Variants in CACNB2 observed in about 807,000 individuals in gnomAD.
CACNB2 encodes voltage-dependent L-type calcium channel subunit beta-2.
A neutral mutation model predicts 73.3 loss-of-function variants in CACNB2; 42 were observed. That is an observed-to-expected ratio of 0.57 (90% CI 0.45 to 0.74). The LOEUF (loss-of-function observed/expected upper bound fraction) is 0.74. Ranked by LOEUF, CACNB2 falls within the 30% of genes least tolerant of loss-of-function variation. The probability of loss-of-function intolerance (pLI) is 0.00; values close to 1 mark genes in which losing one functional copy is unlikely to be tolerated. For missense variants in CACNB2, 940 were observed against 853.0 expected (o/e 1.10, Z -1.27); for synonymous variants, 348 against 310.3 (o/e 1.12, Z -1.28).
At chr10:18,428,322 A>G (rs1043793688) in intron 3 of CACNB2, among the ~76,000 whole-genome samples, 4 of 152,166 alleles carry the variant, frequency 2.6e-5, no homozygotes, top group Admixed American at 6.5e-5. Flanking sequence ...TTCCACTACA[A>G]TCTTATTTTG....
intron 11 of CACNB2, among the ~76,000 whole-genome samples, chr10:18,535,837 T>TAATAGTTTTCCATTTTA (rs2053519685): frequency 6.6e-6 from 1 of 152,096 alleles, no homozygotes; most frequent in South Asian, 2.1e-4. Flanking sequence ...ATAAATGTTT[T>TAATAGTTTTCCATTTTA]AATAGTTTTC....
chr10:18,368,169 A>AT (rs2042432851), intron 2 of CACNB2, among the ~76,000 whole-genome samples: 1 of 152,184 alleles, frequency 6.6e-6, no homozygotes, highest in Non-Finnish European at 1.5e-5. Context: ...TTGGAGTAAG[A>AT]TTATGAACAA....
chr10:18,201,958 A>C (rs2034900551), intron 2 of CACNB2, among the ~76,000 whole-genome samples: 1 of 152,238 alleles, frequency 6.6e-6, no homozygotes, highest in Non-Finnish European at 1.5e-5. Context: ...TTTAATTCTC[A>C]TAATTTCTTC....
chr10:18,520,568 T>G (rs1458798743), intron 9 of CACNB2, among the ~76,000 whole-genome samples: 1 of 152,188 alleles, frequency 6.6e-6, no homozygotes, highest in Non-Finnish European at 1.5e-5. Context: ...ACTCCTTTAC[T>G]CAAAACCATC....
At chr10:18,492,984 G>A (rs2049544358) in intron 3 of CACNB2, among the ~76,000 whole-genome samples, 2 of 152,016 alleles carry the variant, frequency 1.3e-5, no homozygotes, top group African/African-American at 2.4e-5. Flanking sequence ...TGAGTTCCAC[G>A]TTCACGGATT....
In CACNB2 at chr10:18,539,655, TGGA is replaced by T; in HGVS notation, c.1916_1918del (p.Gly639del). ...CCAAGGATCGCTACTGTGAAAAGGA[TGGA>T]GAAGTGATATCAAAAAAACGGAATG... On this transcript the variant is annotated inframe_deletion, in exon 14 of 14. Coordinates refer to ENST00000324631, the MANE Select transcript of CACNB2 (RefSeq NM_201596.3). The T allele has an allele frequency of 6.2e-7, 1 of 1,612,214 alleles. No homozygotes were observed. Among genetic ancestry groups the T allele is most frequent in the Non-Finnish European group, 8.5e-7 (1 of 1,179,698 alleles).
chr10:18,395,411 TTG>T (rs1418507444), intron 2 of CACNB2, among the ~76,000 whole-genome samples: 1 of 152,184 alleles, frequency 6.6e-6, no homozygotes, highest in African/African-American at 2.4e-5. Flanking sequence ...GCTTTTTTTC[TTG>T]TCTCTCATAG....
intron 2 of CACNB2, among the ~76,000 whole-genome samples, chr10:18,171,493 G>C (rs2033223612): frequency 8.2e-6 from 1 of 122,068 alleles, no homozygotes; most frequent in South Asian, 2.7e-4. Context: ...GGAAGCTCCA[G>C]GCTCCCTTCT....
chr10:18,140,939 G>T, intron 1 of CACNB2, 83 bp downstream of exon 1: 1 of 1,536,488 alleles, frequency 6.5e-7, no homozygotes. Context: ...CGCCTCCACT[G>T]CAGGGATCTC....
intron 2 of CACNB2, among the ~76,000 whole-genome samples, chr10:18,171,567 C>CCA: frequency 1.1e-5 from 1 of 94,918 alleles, no homozygotes; most frequent in Non-Finnish European, 2.2e-5. Flanking sequence ...TGTTCTTCTT[C>CCA]ATCCTTCTTA....
At chr10:18,176,463 C>T (rs1168034464) in intron 2 of CACNB2, among the ~76,000 whole-genome samples, 1 of 151,966 alleles carries the variant, frequency 6.6e-6, no homozygotes, top group Non-Finnish European at 1.5e-5. Context: ...AAAAGCATTG[C>T]AGAAGAAATT....
At chr10:18,465,711 T>C (rs1271929843) in intron 3 of CACNB2, among the ~76,000 whole-genome samples, 2 of 150,046 alleles carry the variant, frequency 1.3e-5, no homozygotes, top group Admixed American at 6.7e-5. Context: ...AGATGGCCTC[T>C]CCCTTTGTCA....
intron 3 of CACNB2, among the ~76,000 whole-genome samples, chr10:18,444,344 ACATCC>A (rs1166646803): frequency 1.3e-5 from 2 of 152,188 alleles, no homozygotes; most frequent in Non-Finnish European, 2.9e-5. Context: ...ATCTGGGTTA[ACATCC>A]CAATTCTATC....
At chr10:18,520,339 CA>C (rs879702765) in intron 9 of CACNB2, among the ~76,000 whole-genome samples, 25 of 152,186 alleles carry the variant, frequency 1.6e-4, no homozygotes, top group Non-Finnish European at 3.2e-4. Context: ...TTATATTTCA[CA>C]TGCAAATGCT....
At chr10:18,453,034 G>C (rs530869942) in intron 3 of CACNB2, among the ~76,000 whole-genome samples, 3 of 152,132 alleles carry the variant, frequency 2.0e-5, no homozygotes, top group Admixed American at 6.5e-5. Flanking sequence ...ATTCCTCTCT[G>C]TTTCTCTCCC....
intron 3 of CACNB2, among the ~76,000 whole-genome samples, chr10:18,425,939 A>G (rs985346189): frequency 1.3e-5 from 2 of 152,086 alleles, no homozygotes; most frequent in African/African-American, 2.4e-5. Context: ...TCCACATATG[A>G]GTAGGTCTGT....
intron 3 of CACNB2, among the ~76,000 whole-genome samples, chr10:18,409,884 C>T (rs1019798393): frequency 2.0e-5 from 3 of 152,090 alleles, no homozygotes; most frequent in Non-Finnish European, 4.4e-5. Context: ...ATTTAATCCT[C>T]CTATGTTCAG....
chr10:18,401,996 C>A lies in CACNB2; in HGVS notation c.286C>A (p.Arg96Ser). ...TCTGGAGGAGGACCGGGAGGCAGTGCGCAGAGAAGCGGAGCGGCAGGCCCA... is the reference window on the plus strand; with the variant it reads ...TCTGGAGGAGGACCGGGAGGCAGTGAGCAGAGAAGCGGAGCGGCAGGCCCA... Reference protein sequence around the residue: ...VSLEEDREAVRREAERQAQAQ... With the variant: ...VSLEEDREAVSREAERQAQAQ... The change falls in exon 3 of 14, where the codon CGC (arginine) becomes AGC (serine). Residue 96 changes from arginine to serine, a missense_variant. Transcript: ENST00000324631. 1.2e-6 allele frequency: 2 copies of A among 1,614,016 alleles called. No individual in the cohort carries two copies. The highest frequency in any genetic ancestry group is 1.7e-6 in the Non-Finnish European group (2 of 1,179,928).
intron 2 of CACNB2, among the ~76,000 whole-genome samples, chr10:18,311,129 G>A (rs901707584): frequency 1.3e-5 from 2 of 152,128 alleles, no homozygotes; most frequent in East Asian, 3.9e-4. Flanking sequence ...GTTTGCTTAA[G>A]TTCCTTGTAT....
Sources: allele counts gnomAD v4.1 joint callset (sites outside exome capture counted in the v4.1 genomes callset), GRCh38; gene constraint gnomAD v4.1.1; transcripts MANE v1.5; gene names NCBI Gene and HGNC (gene_info 2026-07-23, HGNC 2026-07-21).